The following DNM1L variants were observed in gnomAD, a reference collection of about 807,000 sequenced individuals.
DNM1L encodes dynamin-1-like protein.
A neutral mutation model predicts 92.8 loss-of-function variants in DNM1L; 33 were observed. The observed-to-expected ratio is 0.36, with a 90% CI of 0.27 to 0.48. The LOEUF is 0.48. Ranked by LOEUF, DNM1L falls within the 20% of genes least tolerant of loss-of-function variation. The pLI is 0.99. For synonymous variants in DNM1L, 284 were observed against 305.0 expected (o/e 0.93, Z 0.72); for missense variants, 485 against 888.8 (o/e 0.55, Z 5.78).
At chr12:32,707,147 T>C in intron 2 of DNM1L, 1 of 449,952 alleles carries the variant, frequency 2.2e-6, no homozygotes, top group Non-Finnish European at 3.9e-6. Context: ...AAGTTGGTCA[T>C]GTTTTTGAAA....
rs1246868596 is a variant in DNM1L at position 32,742,496 on chromosome 12, TACTTA to T, written c.1995-88_1995-84del. Reference sequence around the variant, plus strand: ...GAAATATCCAAAGTAGTAGTGTTCTTACTTAACTTTATTTCATGAGGTTAGCATCT... The same window carrying T: ...GAAATATCCAAAGTAGTAGTGTTCTTACTTTATTTCATGAGGTTAGCATCT... On this transcript the variant is annotated intron_variant, in intron 18 of 19. Coordinates refer to ENST00000549701, the MANE Select transcript of DNM1L (RefSeq NM_012062.5). 22 of 1,465,712 alleles carry T rather than the reference TACTTA, an allele frequency of 1.5e-5. No homozygotes were observed. The Admixed American group carries it at 3.1e-4, about 21-fold the overall frequency. 90.8% of individuals were successfully genotyped at this position (1,465,712 alleles called of 1,614,324 possible).
Position 32,738,420 on chromosome 12 carries a change from A to T in DNM1L, c.1707+124A>T, listed in dbSNP as rs192953539. The stretch of plus-strand genomic sequence containing the variant: ...TATCTCTTGTCTGTGTTATGTTCTT[A>T]ATGTTCCTTTTATCTAACCTGTGGA... On this transcript the variant is annotated intron_variant, in intron 16 of 19. Coordinates refer to ENST00000549701, the MANE Select transcript of DNM1L (RefSeq NM_012062.5). The T allele has an allele frequency of 1.1e-4, 119 of 1,077,804 alleles. No individual in the cohort carries two copies. The African/African-American group carries it at 1.5e-3, about 14-fold the overall frequency. The allele number at this position is 1,077,804 out of a possible 1,614,324, so 66.8% of individuals were successfully genotyped here.
chr12:32,693,819 G>A (rs1178417680), intron 1 of DNM1L, among the ~76,000 whole-genome samples: 2 of 151,824 alleles, frequency 1.3e-5, no homozygotes. Flanking sequence ...TTTATTTTTT[G>A]TAAAGATGAG....
In DNM1L at chr12:32,731,965, C is replaced by G. The variant is rs940286191; in HGVS notation, c.1446+22C>G. 3.2e-6 allele frequency: 5 copies of G among 1,561,032 alleles called. No homozygotes were observed. The highest frequency in any genetic ancestry group is 4.4e-6 in the Non-Finnish European group (5 of 1,132,270). On this transcript the variant is annotated intron_variant, in intron 12 of 19. Coordinates refer to ENST00000549701, the MANE Select transcript of DNM1L (RefSeq NM_012062.5). This position sits in a 1 kb window ranked among gnomAD's most constrained non-coding sequence, Gnocchi z 5.1. ...AATGGTGAGCTACTATAGCATAGATCATTGTAATTACTATTAGTAAAAGTT... is the reference window on the plus strand; with the variant it reads ...AATGGTGAGCTACTATAGCATAGATGATTGTAATTACTATTAGTAAAAGTT...
intron 5 of DNM1L, chr12:32,711,250 C>G (rs1953112533): frequency 4.3e-6 from 2 of 467,576 alleles, no homozygotes; most frequent in African/African-American, 3.9e-5. Flanking sequence ...GCTGTTTCTT[C>G]TCATCTCCCC....
chr12:32,739,298 T>C (rs1027844759), intron 16 of DNM1L, among the ~76,000 whole-genome samples: 1 of 152,198 alleles, frequency 6.6e-6, no homozygotes. Flanking sequence ...CTCTTAAATG[T>C]TGATGAATTG....
intron 6 of DNM1L, among the ~76,000 whole-genome samples, chr12:32,717,237 ATT>A (rs1255043902): frequency 2.8e-5 from 3 of 108,594 alleles, no homozygotes; most frequent in Non-Finnish European, 5.2e-5. Flanking sequence ...TATTATATAT[ATT>A]TTATATATAG....
At position 32,731,595 on chromosome 12, in the gene DNM1L, A is replaced by C; in HGVS notation, c.1356+84A>C. The C allele has an allele frequency of 1.3e-6, 2 of 1,540,052 alleles. No individual in the cohort carries two copies. Among genetic ancestry groups the C allele is most frequent in the Non-Finnish European group, 1.8e-6 (2 of 1,124,922 alleles). ...TTTCACTGGGTGGAAGGAAATGTAT[A>C]AGATGGGATACAAGGTAAAATCTGT... On this transcript the variant is annotated intron_variant, in intron 11 of 19. Transcript: ENST00000549701. This position sits in a 1 kb window ranked among gnomAD's most constrained non-coding sequence, Gnocchi z 5.1.
At chr12:32,689,485 G>T (rs1952148463) in intron 1 of DNM1L, among the ~76,000 whole-genome samples, 1 of 152,096 alleles carries the variant, frequency 6.6e-6, no homozygotes, top group South Asian at 2.1e-4. Flanking sequence ...CACTGGGCCC[G>T]GCGTAGTTTA....
chr12:32,681,729 C>G (rs1404208765), intron 1 of DNM1L, among the ~76,000 whole-genome samples: 1 of 151,612 alleles, frequency 6.6e-6, no homozygotes, highest in Non-Finnish European at 1.5e-5. Context: ...ATATGTATAC[C>G]TCACATTTAT....
At chr12:32,691,124 GC>G (rs1233941978) in intron 1 of DNM1L, among the ~76,000 whole-genome samples, 1 of 152,086 alleles carries the variant, frequency 6.6e-6, no homozygotes, top group African/African-American at 2.4e-5. Flanking sequence ...TTCTTTTGAG[GC>G]CTTTTTCCTT....
intron 15 of DNM1L, 115 bp from the exon 16 acceptor site, chr12:32,738,149 A>G (rs1955031125): frequency 2.4e-6 from 3 of 1,256,344 alleles, no homozygotes; most frequent in East Asian, 4.8e-5. Flanking sequence ...AATATAGAAG[A>G]TGCACACAGA....
intron 9 of DNM1L, among the ~76,000 whole-genome samples, chr12:32,729,270 A>T (rs1437257903): frequency 6.6e-6 from 1 of 151,430 alleles, no homozygotes; most frequent in African/African-American, 2.4e-5. Context: ...TTTAGTAGAG[A>T]TGGAGTTTCA....
intron 2 of DNM1L, among the ~76,000 whole-genome samples, chr12:32,704,751 C>T (rs1395681729): frequency 6.6e-6 from 1 of 152,058 alleles, no homozygotes; most frequent in African/African-American, 2.4e-5. Context: ...CTGTGATACA[C>T]GTAGTAGTCT....
At chr12:32,680,083 T>A in intron 1 of DNM1L, 1 of 873,518 alleles carries the variant, frequency 1.1e-6, no homozygotes, top group Non-Finnish European at 1.4e-6. Context: ...AACGTGTATC[T>A]AGAGTTCTGC....
intron 6 of DNM1L, 27 bp from the exon 7 acceptor site, chr12:32,718,616 G>C: frequency 6.2e-7 from 1 of 1,612,492 alleles, no homozygotes; most frequent in Non-Finnish European, 8.5e-7. Flanking sequence ...TCTTTTCTTT[G>C]CCCTTTTTTC....
chr12:32,721,601 T>C (rs1953807820), intron 8 of DNM1L, among the ~76,000 whole-genome samples: 1 of 152,202 alleles, frequency 6.6e-6, no homozygotes, highest in Non-Finnish European at 1.5e-5. Flanking sequence ...AGAGCAGATA[T>C]ATGGGGAGTT....
chr12:32,722,450 AT>A lies in DNM1L; in HGVS notation c.898del (p.Cys300ValfsTer5), dbSNP rs1953852537. On this transcript the variant is annotated frameshift_variant, in exon 9 of 20. Coordinates refer to ENST00000549701, the MANE Select transcript of DNM1L (RefSeq NM_012062.5). LOFTEE classifies it high-confidence loss of function. ...LNRLLMHHIRDCLPELKTRIN... is the reference protein window; with the variant it reads ...LNRLLMHHIRXCLPELKTRIN... ...AGGTTACTGATGCATCACATCAGAG[AT>A]TGTTTACCAGAGTTGAAAACAAGAA... 1 of 1,612,722 alleles carries A rather than the reference AT, an allele frequency of 6.2e-7. No homozygotes were observed. Among genetic ancestry groups the A allele is most frequent in the Non-Finnish European group, 8.5e-7 (1 of 1,179,902 alleles).
Position 32,737,943 on chromosome 12 carries a change from G to A in DNM1L, c.1674+1G>A, listed in dbSNP as rs201259747. ...TGCTTCTGCTGAGGCTGATGGCAAGGTCTGTTCTGATTCTTAATCTAAGCC... is the reference window on the plus strand; with the variant it reads ...TGCTTCTGCTGAGGCTGATGGCAAGATCTGTTCTGATTCTTAATCTAAGCC... On this transcript the variant is annotated splice_donor_variant, in intron 15 of 19. Coordinates refer to ENST00000549701, the MANE Select transcript of DNM1L (RefSeq NM_012062.5). LOFTEE classifies it high-confidence loss of function. 1 of 1,613,596 alleles carries A rather than the reference G, an allele frequency of 6.2e-7. No homozygotes were observed. Among genetic ancestry groups the A allele is most frequent in the African/African-American group, 1.3e-5 (1 of 74,912 alleles).
Sources: gnomAD v4.1 joint callset for allele counts (sites outside exome capture counted in the v4.1 genomes callset) on GRCh38, gnomAD v4.1.1 for gene constraint, Gnocchi (gnomAD v3.1) non-coding constraint, MANE v1.5 for transcripts, NCBI Gene and HGNC (gene_info 2026-07-23, HGNC 2026-07-21) for gene names.